The following PSD3 variants were observed in gnomAD, a reference collection of about 807,000 sequenced individuals.
PSD3 encodes PH and SEC7 domain-containing protein 3.
In PSD3, 49 loss-of-function variants were observed where a neutral mutation model predicts 105.5. The ratio of observed to expected loss-of-function variants is 0.46; its 90% confidence interval spans 0.37 to 0.59. The LOEUF (loss-of-function observed/expected upper bound fraction) is 0.59, where lower values mean the gene tolerates loss of function less well. PSD3 is among the 20% of genes least tolerant of loss of function. The pLI, the probability that PSD3 is intolerant of heterozygous loss-of-function variation, is 0.00. For missense variants in PSD3, 1,561 were observed against 1,263.8 expected (o/e 1.24, Z -3.57); for synonymous variants, 557 against 457.8 (o/e 1.22, Z -2.77).
intron 2 of PSD3, among the ~76,000 whole-genome samples, chr8:18,908,992 G>A (rs7011395): frequency 0.046 from 6,985 of 152,190 alleles, 199 homozygotes; most frequent in Admixed American, 0.08. Flanking sequence ...AACTAAAACA[G>A]GGTCTCAGTC....
intron 8 of PSD3, among the ~76,000 whole-genome samples, chr8:18,787,982 C>T (rs2129445978): frequency 6.6e-6 from 1 of 152,280 alleles, no homozygotes; most frequent in South Asian, 2.1e-4. Flanking sequence ...GTCATATATT[C>T]TGTTACAGTT....
At chr8:18,991,397 C>CACAT (rs1299476682) in intron 1 of PSD3, among the ~76,000 whole-genome samples, 3 of 147,626 alleles carry the variant, frequency 2.0e-5, no homozygotes, top group Non-Finnish European at 3.0e-5. Flanking sequence ...CACACACACA[C>CACAT]ACACTCCTGA....
At position 18,574,731 on chromosome 8, in the gene PSD3, C is replaced by T. The variant is rs370533445; in HGVS notation, c.2639+397G>A. Among the ~76,000 whole-genome samples the T allele has an allele frequency of 5.3e-5, 8 of 152,250 alleles. No individual in the cohort carries two copies. The East Asian group carries it at 1.4e-3, about 26-fold the overall frequency. ...AGAACTCTGTAAGATAAACGTTATC[C>T]CCCACACTAGTGACGAGCTGAGGTT... On this transcript the variant is annotated intron_variant, in intron 13 of 15. Transcript: ENST00000327040.
intron 1 of PSD3, among the ~76,000 whole-genome samples, chr8:19,039,907 T>C (rs966277205): frequency 6.6e-6 from 1 of 152,168 alleles, no homozygotes; most frequent in Admixed American, 6.6e-5. Flanking sequence ...AAACGTATTA[T>C]ATGGTATCAA....
intron 1 of PSD3, among the ~76,000 whole-genome samples, chr8:18,982,277 C>A (rs1341986803): frequency 6.6e-6 from 1 of 152,174 alleles, no homozygotes; most frequent in African/African-American, 2.4e-5. Flanking sequence ...AATTCTAGTT[C>A]TCTTGCTATT....
Position 18,575,211 on chromosome 8 carries a change from T to C in PSD3, c.2556A>G (p.Ala852=), listed in dbSNP as rs760271724. 5 of 1,613,922 alleles carry C rather than the reference T, an allele frequency of 3.1e-6. No homozygotes were observed. The African/African-American group carries it at 4.0e-5, about 13-fold the overall frequency. Residue 852 remains alanine (A), a synonymous_variant, in exon 13 of 16, where the codon GCA becomes GCG. Coordinates refer to ENST00000327040, the MANE Select transcript of PSD3 (RefSeq NM_015310.4). The part of the protein sequence containing the change: ...KNAVSVHHAL[A]SKATDYEKKP... ...TCTTCTCATAGTCCGTGGCCTTGGATGCCAATGCGTGGTGCACACTCACAG... is the reference window on the plus strand; with the variant it reads ...TCTTCTCATAGTCCGTGGCCTTGGACGCCAATGCGTGGTGCACACTCACAG...
At chr8:18,941,215 A>G (rs9918893) in intron 1 of PSD3, among the ~76,000 whole-genome samples, 1 of 152,096 alleles carries the variant, frequency 6.6e-6, no homozygotes, top group African/African-American at 2.4e-5. Context: ...AGTATGGAAC[A>G]TGAAACATTA....
intron 1 of PSD3, among the ~76,000 whole-genome samples, chr8:18,936,840 G>C (rs943268715): frequency 1.3e-5 from 2 of 151,568 alleles, no homozygotes; most frequent in African/African-American, 4.9e-5. Flanking sequence ...TCCATAACAA[G>C]AATATTTCTT....
Position 18,535,738 on chromosome 8 carries a change from G to A in PSD3, c.*5C>T, listed in dbSNP as rs756887664. ...TGACCAGCACTTCCTGGCCGCAGAT[G>A]GACTCTAAGTAACTTTTTGCTTAAT... is the stretch of plus-strand genomic sequence containing the variant. On this transcript the variant is annotated 3_prime_UTR_variant, in exon 16 of 16. Coordinates refer to ENST00000327040, the MANE Select transcript of PSD3 (RefSeq NM_015310.4). The A allele has an allele frequency of 6.3e-7, 1 of 1,599,718 alleles. No individual in the cohort carries two copies. Among genetic ancestry groups the A allele is most frequent in the Non-Finnish European group, 8.6e-7 (1 of 1,167,076 alleles).
chr8:18,600,583 G>C (rs971602630), intron 11 of PSD3, 149 bp from the exon 12 acceptor site: 7 of 648,958 alleles, frequency 1.1e-5, no homozygotes, highest in Admixed American at 3.2e-5. Flanking sequence ...GAGCCTTATG[G>C]TGTACCAGGC....
At chr8:18,911,122 A>G (rs1418558505) in intron 2 of PSD3, among the ~76,000 whole-genome samples, 2 of 152,076 alleles carry the variant, frequency 1.3e-5, no homozygotes, top group African/African-American at 4.8e-5. Context: ...TCAGTCAACC[A>G]ATAAAACAGA....
chr8:18,626,945 G>A (rs977346977), intron 11 of PSD3, among the ~76,000 whole-genome samples: 12 of 152,072 alleles, frequency 7.9e-5, no homozygotes, highest in African/African-American at 2.9e-4. Flanking sequence ...AGGTCTTAAA[G>A]CGGGAAGCAA....
chr8:18,936,738 A>T (rs1822161990), intron 1 of PSD3, among the ~76,000 whole-genome samples: 1 of 151,416 alleles, frequency 6.6e-6, no homozygotes, highest in Non-Finnish European at 1.5e-5. Flanking sequence ...AGCCTGGGTG[A>T]CAGAGCTAGA....
At chr8:19,006,294 C>CAAA (rs58023537) in intron 1 of PSD3, among the ~76,000 whole-genome samples, 26 of 80,808 alleles carry the variant, frequency 3.2e-4, no homozygotes, top group South Asian at 1.6e-3. Context: ...AACTCCATCT[C>CAAA]AAAAAAAAAA....
chr8:18,620,113 TC>T, intron 11 of PSD3, among the ~76,000 whole-genome samples: 1 of 152,288 alleles, frequency 6.6e-6, no homozygotes, highest in South Asian at 2.1e-4. Context: ...ACTCTTCAAG[TC>T]CTCAGACAAC....
intron 15 of PSD3, among the ~76,000 whole-genome samples, chr8:18,547,800 G>A (rs762932811): frequency 1.6e-4 from 25 of 152,084 alleles, no homozygotes; most frequent in Non-Finnish European, 3.1e-4. Context: ...CTGATTGGAG[G>A]TCTTTGAGAT....
At chr8:19,027,701 G>A (rs1377873347) in intron 1 of PSD3, among the ~76,000 whole-genome samples, 1 of 152,164 alleles carries the variant, frequency 6.6e-6, no homozygotes, top group African/African-American at 2.4e-5. Context: ...CCTATGGTAT[G>A]AGCTCTTTTG....
chr8:18,964,533 T>C (rs1824124667), intron 1 of PSD3, among the ~76,000 whole-genome samples: 1 of 152,050 alleles, frequency 6.6e-6, no homozygotes, highest in African/African-American at 2.4e-5. Context: ...ACTTCAAAGA[T>C]TGTGTTGCCT....
chr8:18,850,291 A>G (rs1260163500), intron 4 of PSD3, among the ~76,000 whole-genome samples: 1 of 152,222 alleles, frequency 6.6e-6, no homozygotes, highest in East Asian at 1.9e-4. Context: ...TCATGGTGGC[A>G]TCTCTATTTC....
Sources: allele counts gnomAD v4.1 joint callset (sites outside exome capture counted in the v4.1 genomes callset), GRCh38; gene constraint gnomAD v4.1.1; transcripts MANE v1.5; gene names NCBI Gene and HGNC (gene_info 2026-07-23, HGNC 2026-07-21).